C4orf36: variants seen among roughly 807,000 people sequenced by gnomAD.
C4orf36 encodes the protein uncharacterized protein C4orf36.
Under a neutral mutation model 12.2 loss-of-function variants are expected in C4orf36, and 11 were observed. That is an observed-to-expected ratio of 0.90 (90% CI 0.57 to 1.49). C4orf36 has a LOEUF of 1.49. Ranked by LOEUF, C4orf36 falls within the 40% of genes most tolerant of loss-of-function variation. The probability of loss-of-function intolerance (pLI) is 0.00; values close to 1 mark genes in which losing one functional copy is unlikely to be tolerated. For synonymous variants in C4orf36, 54 were observed against 51.3 expected, an observed-to-expected ratio of 1.05 and a Z score of -0.22; for missense variants, 137 against 133.9, an observed-to-expected ratio of 1.02 and a Z score of -0.11.
chr4:86,896,343 G>A (rs148711343), upstream of C4orf36, among the ~76,000 whole-genome samples: 52 of 152,214 alleles, frequency 3.4e-4, no homozygotes, highest in African/African-American at 1.2e-3. Context: ...ATGTATATAT[G>A]TATGTGTATC....
At chr4:86,884,695 C>T (rs1747130087) in intron 4 of C4orf36, among the ~76,000 whole-genome samples, 1 of 152,160 alleles carries the variant, frequency 6.6e-6, no homozygotes, top group Non-Finnish European at 1.5e-5. Flanking sequence ...TGTTTCATTG[C>T]AAATTGGAAA....
chr4:86,887,980 C>T, intron 3 of C4orf36, 87 bp from the exon 4 acceptor site: 1 of 1,564,032 alleles, frequency 6.4e-7, no homozygotes, highest in South Asian at 1.2e-5. Flanking sequence ...CAGCAAAATC[C>T]ATATGCCTGA....
intron 4 of C4orf36, chr4:86,876,725 G>A (rs147620210): frequency 6.4e-7 from 1 of 1,551,920 alleles, no homozygotes; most frequent in Non-Finnish European, 8.7e-7. Context: ...CAGAATTTAG[G>A]AAAGTTCTCT....
At chr4:86,894,462 T>C (rs372492264), upstream of C4orf36, among the ~76,000 whole-genome samples, 1 of 152,158 alleles carries the variant, frequency 6.6e-6, no homozygotes, top group South Asian at 2.1e-4. Context: ...TATTTGAGGT[T>C]ATATCCAGAT....
chr4:86,896,817 C>T (rs1261484115), upstream of C4orf36, among the ~76,000 whole-genome samples: 2 of 152,182 alleles, frequency 1.3e-5, no homozygotes, highest in Non-Finnish European at 1.5e-5. Flanking sequence ...TTCAACATAA[C>T]CAAAATGTAA....
At chr4:86,884,299 ATTTT>A (rs150771483) in intron 4 of C4orf36, among the ~76,000 whole-genome samples, 1 of 49,588 alleles carries the variant, frequency 2.0e-5, no homozygotes, top group African/African-American at 7.6e-5. Context: ...AAAAGACTGA[ATTTT>A]TTTTTTTTTT....
At chr4:86,914,931 C>T in the C4orf36 span, 40 of 248,192 alleles carry the variant, frequency 1.6e-4, no homozygotes, top group African/African-American at 7.8e-4. Context: ...CCACGGGGAC[C>T]GATGACTAAT....
At chr4:86,911,392 G>T in the C4orf36 span, among the ~76,000 whole-genome samples, 1 of 152,130 alleles carries the variant, frequency 6.6e-6, no homozygotes, top group Non-Finnish European at 1.5e-5. Flanking sequence ...CCAACACACA[G>T]ATCAGACAGA....
chr4:86,916,608 G>A, the C4orf36 span, among the ~76,000 whole-genome samples: 1 of 152,146 alleles, frequency 6.6e-6, no homozygotes, highest in Admixed American at 6.5e-5. Flanking sequence ...CTGTCTGGTA[G>A]CAGGCTGATT....
the C4orf36 span, chr4:86,914,851 GT>G: frequency 6.9e-6 from 3 of 432,258 alleles, no homozygotes; most frequent in East Asian, 8.6e-5. Context: ...GAAAGCTGGG[GT>G]CGGGGGAGTC....
chr4:86,883,481 A>G (rs1202093877), intron 4 of C4orf36, among the ~76,000 whole-genome samples: 1 of 152,220 alleles, frequency 6.6e-6, no homozygotes, highest in Non-Finnish European at 1.5e-5. Context: ...TGATAGTGAT[A>G]CTCACAGTAA....
At chr4:86,928,167 T>C in the C4orf36 span, among the ~76,000 whole-genome samples, 1 of 152,298 alleles carries the variant, frequency 6.6e-6, no homozygotes, top group African/African-American at 2.4e-5. Context: ...TGCCAGGTAG[T>C]TCAGTGGAGA....
chr4:86,882,873 C>G (rs1747081059), intron 4 of C4orf36, among the ~76,000 whole-genome samples: 1 of 152,174 alleles, frequency 6.6e-6, no homozygotes, highest in African/African-American at 2.4e-5. Context: ...CTGTGTGATA[C>G]ACGCCCTGGG....
At chr4:86,903,250 G>A in the C4orf36 span, among the ~76,000 whole-genome samples, 5 of 152,168 alleles carry the variant, frequency 3.3e-5, no homozygotes, top group Non-Finnish European at 7.3e-5. Flanking sequence ...CTTGGCTCAC[G>A]CCTGTAATCC....
the C4orf36 span, among the ~76,000 whole-genome samples, chr4:86,917,526 G>GAA: frequency 6.8e-6 from 1 of 146,020 alleles, no homozygotes; most frequent in Non-Finnish European, 1.5e-5. Flanking sequence ...AAAGAAAAGA[G>GAA]AGAGAAAGAG....
chr4:86,906,808 G>A, the C4orf36 span, among the ~76,000 whole-genome samples: 1 of 150,674 alleles, frequency 6.6e-6, no homozygotes, highest in Admixed American at 6.6e-5. Context: ...GGGAGGCCAA[G>A]GCAGGCAGAT....
chr4:86,916,063 G>T, the C4orf36 span, among the ~76,000 whole-genome samples: 1 of 152,212 alleles, frequency 6.6e-6, no homozygotes, highest in Non-Finnish European at 1.5e-5. Context: ...CACTTGGTTT[G>T]TGGTCATTTG....
chr4:86,889,874 TAG>T (rs1271702182), intron 2 of C4orf36, among the ~76,000 whole-genome samples: 1 of 151,300 alleles, frequency 6.6e-6, no homozygotes, highest in Non-Finnish European at 1.5e-5. Flanking sequence ...ACTGAGGTGA[TAG>T]AGTGATACCC....
At chr4:86,921,781 C>G in the C4orf36 span, among the ~76,000 whole-genome samples, 133 of 152,270 alleles carry the variant, frequency 8.7e-4, no homozygotes, top group African/African-American at 3.2e-3. Context: ...ATCTCTAGAA[C>G]ATTTTCATCC....
Sources: allele counts gnomAD v4.1 joint callset (sites outside exome capture counted in the v4.1 genomes callset), GRCh38; gene constraint gnomAD v4.1.1; transcripts MANE v1.5; gene names NCBI Gene and HGNC (gene_info 2026-07-23, HGNC 2026-07-21).